The following MAPKAP1 variants were observed in gnomAD, a reference collection of about 807,000 sequenced individuals.
The protein encoded by MAPKAP1 is target of rapamycin complex 2 subunit MAPKAP1.
MAPKAP1 carries 20 observed loss-of-function variants against 65.7 expected under a neutral mutation model. The observed-to-expected ratio is 0.30, with a 90% CI of 0.21 to 0.44. MAPKAP1 has a LOEUF of 0.44. MAPKAP1 is among the 20% of genes least tolerant of loss of function. MAPKAP1 has a pLI of 1.00. For synonymous variants in MAPKAP1, 222 were observed against 244.3 expected, an observed-to-expected ratio of 0.91 and a Z score of 0.85; for missense variants, 423 against 648.0, an observed-to-expected ratio of 0.65 and a Z score of 3.77.
chr9:125,645,078 C>A (rs1413056712), intron 4 of MAPKAP1, among the ~76,000 whole-genome samples: 2 of 151,786 alleles, frequency 1.3e-5, no homozygotes, highest in Non-Finnish European at 2.9e-5. Flanking sequence ...TTTGTGTCTG[C>A]GCATAAAAAG....
intron 8 of MAPKAP1, among the ~76,000 whole-genome samples, chr9:125,486,223 G>C (rs1251586614): frequency 2.6e-5 from 4 of 152,194 alleles, no homozygotes; most frequent in Admixed American, 1.3e-4. Flanking sequence ...TGAGGCTTTG[G>C]GAGGCTGTCA....
At chr9:125,463,129 G>A (rs967747933) in intron 10 of MAPKAP1, among the ~76,000 whole-genome samples, 2 of 152,182 alleles carry the variant, frequency 1.3e-5, no homozygotes, top group East Asian at 1.9e-4. Context: ...AGAACCGCTC[G>A]ATAGCAAGAC....
At chr9:125,453,356 G>A (rs779264009) in intron 10 of MAPKAP1, among the ~76,000 whole-genome samples, 1 of 152,244 alleles carries the variant, frequency 6.6e-6, no homozygotes, top group Non-Finnish European at 1.5e-5. Context: ...GTGAGCCTCC[G>A]TACCAGCCTA....
intron 7 of MAPKAP1, among the ~76,000 whole-genome samples, chr9:125,523,214 G>C (rs749107367): frequency 5.9e-5 from 9 of 152,176 alleles, no homozygotes; most frequent in Non-Finnish European, 8.8e-5. Context: ...CCTGCCCTCA[G>C]GCCTGGTGCC....
chr9:125,608,145 GA>G (rs1297479724), intron 4 of MAPKAP1, among the ~76,000 whole-genome samples: 2 of 151,904 alleles, frequency 1.3e-5, no homozygotes, highest in Non-Finnish European at 2.9e-5. Context: ...ATTAGAAAAA[GA>G]AAAAAAGAAT....
At chr9:125,698,217 G>A (rs1212527980) in intron 1 of MAPKAP1, among the ~76,000 whole-genome samples, 1 of 134,324 alleles carries the variant, frequency 7.4e-6, no homozygotes, top group Non-Finnish European at 1.6e-5. Context: ...ATATGTGTGT[G>A]TATATATATA....
At chr9:125,678,068 C>T (rs1395689914) in intron 1 of MAPKAP1, among the ~76,000 whole-genome samples, 2 of 152,076 alleles carry the variant, frequency 1.3e-5, no homozygotes, top group African/African-American at 2.4e-5. Flanking sequence ...TAGGCTCACA[C>T]CACCATGCCT....
intron 7 of MAPKAP1, among the ~76,000 whole-genome samples, chr9:125,540,641 A>G (rs1830217348): frequency 6.6e-6 from 1 of 152,238 alleles, no homozygotes; most frequent in African/African-American, 2.4e-5. Flanking sequence ...GACATGGGGC[A>G]TGGTAGGCAC....
At chr9:125,539,694 G>C (rs1405443286) in intron 7 of MAPKAP1, among the ~76,000 whole-genome samples, 1 of 152,216 alleles carries the variant, frequency 6.6e-6, no homozygotes, top group Non-Finnish European at 1.5e-5. Flanking sequence ...GACCTGACAA[G>C]CCACTCTTTA....
intron 8 of MAPKAP1, among the ~76,000 whole-genome samples, chr9:125,498,569 AAAAT>A (rs1257551021): frequency 2.0e-5 from 3 of 152,350 alleles, no homozygotes; most frequent in South Asian, 2.1e-4. Context: ...GATGGAAAGA[AAAAT>A]AAATAAATAA....
intron 4 of MAPKAP1, among the ~76,000 whole-genome samples, chr9:125,632,814 TC>T (rs1171439284): frequency 6.6e-5 from 10 of 152,310 alleles, no homozygotes; most frequent in African/African-American, 2.4e-4. Context: ...ACTCTGTGCC[TC>T]GTCTCTCAGC....
At chr9:125,554,794 C>CAAAAAAAAA (rs56911891) in intron 6 of MAPKAP1, among the ~76,000 whole-genome samples, 1 of 65,622 alleles carries the variant, frequency 1.5e-5, no homozygotes, top group Non-Finnish European at 2.7e-5. Context: ...AGACACTTAT[C>CAAAAAAAAA]AAAAAAAAAA....
At chr9:125,544,260 A>G (rs1419009697) in intron 6 of MAPKAP1, among the ~76,000 whole-genome samples, 1 of 151,958 alleles carries the variant, frequency 6.6e-6, no homozygotes, top group Non-Finnish European at 1.5e-5. Context: ...TGCCTGCCTC[A>G]GCTGCCCAAA....
Position 125,675,287 on chromosome 9 carries a change from C to T in MAPKAP1, c.-69-2644G>A, listed in dbSNP as rs761951830. Among the ~76,000 whole-genome samples the T allele has an allele frequency of 2.6e-5, 4 of 152,072 alleles. 1 individual carries two copies. On this transcript the variant is annotated intron_variant, in intron 1 of 11. Coordinates refer to ENST00000265960, the MANE Select transcript of MAPKAP1 (RefSeq NM_001006617.3). The stretch of plus-strand genomic sequence containing the variant: ...ATACACTTGATCTTAGCCAAAAGGC[C>T]GAGAAGTGATCAGATATTTAATAGG...
chr9:125,580,685 A>T (rs1021197881), intron 5 of MAPKAP1, among the ~76,000 whole-genome samples: 18 of 150,742 alleles, frequency 1.2e-4, no homozygotes, highest in Non-Finnish European at 2.2e-4. Context: ...AAAAGTATAA[A>T]AAAAAAAAAG....
intron 5 of MAPKAP1, among the ~76,000 whole-genome samples, chr9:125,568,208 C>T (rs747510693): frequency 1.3e-5 from 2 of 152,108 alleles, no homozygotes; most frequent in African/African-American, 2.4e-5. Context: ...AGGCCCCTCT[C>T]GGTAAAGTCC....
At chr9:125,475,142 G>T (rs952889431) in intron 9 of MAPKAP1, among the ~76,000 whole-genome samples, 2 of 152,134 alleles carry the variant, frequency 1.3e-5, no homozygotes, top group Non-Finnish European at 2.9e-5. Flanking sequence ...GAGGCTCAGG[G>T]CTGGGACATG....
intron 1 of MAPKAP1, among the ~76,000 whole-genome samples, chr9:125,674,564 A>G (rs1834590183): frequency 6.6e-6 from 1 of 152,232 alleles, no homozygotes; most frequent in Admixed American, 6.5e-5. Flanking sequence ...TTCTTCTAGA[A>G]ATGGAACATA....
At chr9:125,625,255 T>TTAAAAAAAAAAAAAAAAAAAATAAA (rs1564589549) in intron 4 of MAPKAP1, among the ~76,000 whole-genome samples, 1 of 64,714 alleles carries the variant, frequency 1.5e-5, no homozygotes, top group African/African-American at 5.9e-5. Context: ...AATAAATAAA[T>TTAAAAAAAAAAAAAAAAAAAATAAA]AAAAAAAAAA....
Sources: gnomAD v4.1 joint callset for allele counts (sites outside exome capture counted in the v4.1 genomes callset) on GRCh38, gnomAD v4.1.1 for gene constraint, MANE v1.5 for transcripts, NCBI Gene and HGNC (gene_info 2026-07-23, HGNC 2026-07-21) for gene names.